Variants in RAPGEF2 observed in about 807,000 individuals in gnomAD.
The protein encoded by RAPGEF2 is Rap guanine nucleotide exchange factor 2.
In RAPGEF2, 54 loss-of-function variants were observed where a neutral mutation model predicts 186.7. The observed-to-expected ratio is 0.29, with a 90% CI of 0.23 to 0.36. RAPGEF2 has a LOEUF of 0.36. Among genes scored for constraint, RAPGEF2 ranks in the 10% least tolerant of loss-of-function variants. RAPGEF2 has a pLI of 1.00. For synonymous variants in RAPGEF2, 712 were observed against 705.9 expected (o/e 1.01, Z -0.14); for missense variants, 1,532 against 2,045.0 (o/e 0.75, Z 4.84).
In RAPGEF2 at chr4:159,193,934, C is replaced by G. The variant is rs1748369405; in HGVS notation, c.197+678C>G. Among the ~76,000 whole-genome samples the G allele has an allele frequency of 2.0e-5, 3 of 152,192 alleles. No homozygotes were observed. The South Asian group carries it at 6.2e-4, about 31-fold the overall frequency. ...TATTCAAATAAATAAGTCCCAGCTT[C>G]TGCCTTTAAGGAGTTCATAATCTGT... is the stretch of plus-strand genomic sequence containing the variant. On this transcript the variant is annotated intron_variant, in intron 3 of 29. Transcript: ENST00000691494.
intron 6 of RAPGEF2, among the ~76,000 whole-genome samples, chr4:159,243,122 T>C (rs1754205406): frequency 6.6e-6 from 1 of 151,740 alleles, no homozygotes; most frequent in Non-Finnish European, 1.5e-5. Context: ...AGTTTTTTTT[T>C]TTTAAGTGGA....
chr4:159,155,493 G>T (rs1744015812), intron 1 of RAPGEF2, among the ~76,000 whole-genome samples: 1 of 151,658 alleles, frequency 6.6e-6, no homozygotes, highest in Non-Finnish European at 1.5e-5. Flanking sequence ...GAGTTTCTTT[G>T]TAAGAAGTTT....
At chr4:159,233,542 T>C (rs2111445629) in intron 4 of RAPGEF2, among the ~76,000 whole-genome samples, 1 of 152,268 alleles carries the variant, frequency 6.6e-6, no homozygotes, top group Admixed American at 6.5e-5. Flanking sequence ...AAACATCGTA[T>C]GTTCTCACTC....
intron 1 of RAPGEF2, among the ~76,000 whole-genome samples, chr4:159,155,548 G>A (rs2347944): frequency 0.62 from 94,031 of 151,978 alleles, 29,732 homozygotes; most frequent in African/African-American, 0.75. Flanking sequence ...TTTCTCTAGT[G>A]GGACCAGTAC....
In RAPGEF2 at chr4:159,343,307, G is replaced by A. The variant is rs1729810743; in HGVS notation, c.3157G>A (p.Val1053Ile). 9 of 1,614,006 alleles carry A rather than the reference G, an allele frequency of 5.6e-6. No individual in the cohort carries two copies. Among genetic ancestry groups the A allele is most frequent in the Non-Finnish European group, 7.6e-6 (9 of 1,179,938 alleles). ...EGNDSKVDGLVNFEKLRMIAK... is the reference protein window; with the variant it reads ...EGNDSKVDGLINFEKLRMIAK... Reference sequence around the variant, plus strand: ...AAATGACTCAAAAGTAGACGGGCTGGTCAATTTTGAGAAGCTAAGGATGAT... The same window carrying A: ...AAATGACTCAAAAGTAGACGGGCTGATCAATTTTGAGAAGCTAAGGATGAT... Residue 1053 changes from valine (V) to isoleucine (I), a missense_variant, in exon 22 of 30, where the codon GTC becomes ATC. Val to Ile is a conservative substitution (Grantham distance 29). Around this residue, in one of 4 missense-constraint regions of RAPGEF2, gnomAD observed 117 missense variants for 180.8 expected, o/e 0.65. Transcript: ENST00000691494.
intron 1 of RAPGEF2, among the ~76,000 whole-genome samples, chr4:159,118,938 T>G (rs1739360882): frequency 6.6e-6 from 1 of 152,236 alleles, no homozygotes; most frequent in Admixed American, 6.5e-5. Context: ...AAATATTTAC[T>G]CTTCTTATTA....
chr4:159,237,887 A>G (rs961745125), intron 4 of RAPGEF2, among the ~76,000 whole-genome samples: 1 of 146,410 alleles, frequency 6.8e-6, no homozygotes, highest in Admixed American at 6.9e-5. Flanking sequence ...GTATGGTGGT[A>G]CGCACCTGTA....
At chr4:159,292,731 A>T (rs1310964694) in intron 7 of RAPGEF2, among the ~76,000 whole-genome samples, 1 of 152,222 alleles carries the variant, frequency 6.6e-6, no homozygotes, top group Non-Finnish European at 1.5e-5. Flanking sequence ...GGTGGCTTCT[A>T]GACCTAATTT....
At chr4:159,122,314 A>G (rs559068365) in intron 1 of RAPGEF2, among the ~76,000 whole-genome samples, 20 of 152,052 alleles carry the variant, frequency 1.3e-4, no homozygotes, top group Non-Finnish European at 2.8e-4. Flanking sequence ...CCCCATCTCC[A>G]CTAAAAATAC....
chr4:159,228,974 C>G (rs1231130624), intron 4 of RAPGEF2, among the ~76,000 whole-genome samples: 1 of 152,298 alleles, frequency 6.6e-6, no homozygotes, highest in Admixed American at 6.5e-5. Flanking sequence ...AATTGCCACT[C>G]TGCTGTCTGA....
In RAPGEF2 at chr4:159,355,878, G is replaced by C; in HGVS notation, c.4677G>C (p.Glu1559Asp). The C allele has an allele frequency of 6.6e-7, 1 of 1,515,860 alleles. No homozygotes were observed. Among genetic ancestry groups the C allele is most frequent in the Non-Finnish European group, 8.9e-7 (1 of 1,117,994 alleles). The allele number at this position is 1,515,860 out of a possible 1,614,324, so 93.9% of individuals were successfully genotyped here. ...CACGAAAGGAGGGCAGGTATCGAGA[G>C]CCCCCGCCCACCCCTCCCGGCTACA... ...LIARKEGRYR[E>D]PPPTPPGYIG... Residue 1559 changes from glutamate to aspartate, a missense_variant, in exon 29 of 30, where the codon GAG (glutamate) becomes GAC (aspartate). By Grantham distance (45) the Glu-to-Asp change is conservative (BLOSUM62 2). Coordinates refer to ENST00000691494, the MANE Select transcript of RAPGEF2 (RefSeq NM_001394067.2).
chr4:159,266,678 C>T (rs1272974666), intron 7 of RAPGEF2, among the ~76,000 whole-genome samples: 1 of 149,148 alleles, frequency 6.7e-6, no homozygotes, highest in Non-Finnish European at 1.5e-5. Flanking sequence ...GTGAAAATCA[C>T]ATCATCTAAA....
chr4:159,301,345 G>A (rs951830792), intron 7 of RAPGEF2, among the ~76,000 whole-genome samples: 2 of 152,142 alleles, frequency 1.3e-5, no homozygotes, highest in Non-Finnish European at 2.9e-5. Context: ...CACCCCACCC[G>A]GGGCGAGGTG....
intron 24 of RAPGEF2, 119 bp downstream of exon 24, chr4:159,345,448 G>A (rs1319350881): frequency 2.4e-6 from 2 of 827,334 alleles, no homozygotes; most frequent in Admixed American, 2.5e-5. Context: ...GCAATCCTGA[G>A]ATATACTAGT....
At chr4:159,333,879 C>G (rs115445543) in intron 17 of RAPGEF2, among the ~76,000 whole-genome samples, 2,342 of 152,276 alleles carry the variant, frequency 0.015, 69 homozygotes, top group African/African-American at 0.054. Flanking sequence ...TCAAACACTT[C>G]TTTTTCTTTT....
chr4:159,229,225 C>T (rs890161272), intron 4 of RAPGEF2: 1 of 152,142 alleles, frequency 6.6e-6, no homozygotes, highest in Non-Finnish European at 1.5e-5. Context: ...TGTGTATTCC[C>T]TTGCTGGGTG....
chr4:159,128,788 G>C (rs1740659833), intron 1 of RAPGEF2: 2 of 149,418 alleles, frequency 1.3e-5, no homozygotes, highest in Admixed American at 1.3e-4. Context: ...AAATAAAGAA[G>C]CTGAACCAAA....
Position 159,256,745 on chromosome 4 carries a change from G to T in RAPGEF2, c.543+12954G>T, listed in dbSNP as rs1435724417. ...TTTTTAATAACAGCTATTCTGATTG[G>T]TGTGAGATGGTATCTCATTGTGGTT... is the stretch of plus-strand genomic sequence containing the variant. On this transcript the variant is annotated intron_variant, in intron 7 of 29. Coordinates refer to ENST00000691494, the MANE Select transcript of RAPGEF2 (RefSeq NM_001394067.2). Among the ~76,000 whole-genome samples the T allele has an allele frequency of 2.0e-5, 3 of 152,150 alleles. No homozygotes were observed. In the East Asian group the frequency reaches 5.8e-4, roughly 29 times the overall value.
intron 1 of RAPGEF2, among the ~76,000 whole-genome samples, chr4:159,106,039 C>T (rs569889922): frequency 2.6e-4 from 40 of 152,174 alleles, no homozygotes; most frequent in Non-Finnish European, 4.4e-4. Flanking sequence ...GCCCACTGTG[C>T]CAAATAAATG....
Sources: gnomAD v4.1 joint callset for allele counts (sites outside exome capture counted in the v4.1 genomes callset) on GRCh38, gnomAD v4.1.1 for gene constraint, gnomAD v4.1.1 regional missense constraint, MANE v1.5 for transcripts, NCBI Gene and HGNC (gene_info 2026-07-23, HGNC 2026-07-21) for gene names.